The following PPFIA2 variants were observed in gnomAD, a reference collection of about 807,000 sequenced individuals.
The protein encoded by PPFIA2 is liprin-alpha-2.
In PPFIA2, 46 loss-of-function variants were observed where a neutral mutation model predicts 175.5. The observed-to-expected ratio is 0.26, with a 90% CI of 0.21 to 0.34. The LOEUF is 0.34. PPFIA2 is among the 10% of genes least tolerant of loss of function. PPFIA2 has a pLI of 1.00. For missense variants in PPFIA2, 1,179 were observed against 1,506.1 expected (o/e 0.78, Z 3.60); for synonymous variants, 568 against 511.4 (o/e 1.11, Z -1.49).
intron 4 of PPFIA2, among the ~76,000 whole-genome samples, chr12:81,475,775 C>A (rs916264162): frequency 4.6e-5 from 7 of 152,104 alleles, no homozygotes; most frequent in Admixed American, 3.9e-4. Flanking sequence ...TGTAGTGGCG[C>A]GATCTCGGCT....
In PPFIA2 at chr12:81,552,552, A is replaced by G. The variant is rs560598749; in HGVS notation, c.304-94686T>C. Among the ~76,000 whole-genome samples, 17 of 152,122 alleles carry G rather than the reference A, an allele frequency of 1.1e-4. No individual in the cohort carries two copies. In the East Asian group the frequency reaches 2.1e-3, roughly 19 times the overall value. On this transcript the variant is annotated intron_variant, in intron 4 of 32. Transcript: ENST00000549396. ...CCTTCTAGTATCTAAGTTATCAATC[A>G]TGATGACTATATCAATAAAAACTTA... is the stretch of plus-strand genomic sequence containing the variant.
intron 14 of PPFIA2, among the ~76,000 whole-genome samples, chr12:81,363,619 T>C (rs975383011): frequency 6.6e-6 from 1 of 151,790 alleles, no homozygotes; most frequent in Non-Finnish European, 1.5e-5. Context: ...TATTTTACTT[T>C]ACTCAAACTT....
intron 4 of PPFIA2, chr12:81,598,327 C>T (rs2059465403): frequency 8.6e-7 from 1 of 1,160,070 alleles, no homozygotes; most frequent in East Asian, 5.4e-5. Flanking sequence ...ATAAATGGAG[C>T]TTGTGCAGAA....
At chr12:81,637,179 C>G (rs1595864349) in intron 4 of PPFIA2, among the ~76,000 whole-genome samples, 1 of 145,970 alleles carries the variant, frequency 6.9e-6, no homozygotes, top group East Asian at 2.1e-4. Flanking sequence ...AAGCGATTCT[C>G]CTGCCTCAGC....
intron 5 of PPFIA2, among the ~76,000 whole-genome samples, chr12:81,447,018 G>C (rs140473232): frequency 6.6e-6 from 1 of 151,892 alleles, no homozygotes; most frequent in Non-Finnish European, 1.5e-5. Flanking sequence ...CAAACTAATC[G>C]CCGGGCACAG....
chr12:81,379,364 A>G (rs1372172811), intron 9 of PPFIA2, among the ~76,000 whole-genome samples: 2 of 152,190 alleles, frequency 1.3e-5, no homozygotes, highest in East Asian at 1.9e-4. Context: ...ATTTAGATCT[A>G]TTAAAGTGAA....
At chr12:81,263,413 A>C in intron 30 of PPFIA2, 23 bp from the exon 31 acceptor site, 1 of 1,598,588 alleles carries the variant, frequency 6.3e-7, no homozygotes, top group Non-Finnish European at 8.6e-7. Context: ...TTATAAGGTG[A>C]TGTTATGAAA....
chr12:81,408,554 T>C (rs2043332202), intron 7 of PPFIA2, among the ~76,000 whole-genome samples: 1 of 152,186 alleles, frequency 6.6e-6, no homozygotes, highest in Non-Finnish European at 1.5e-5. Context: ...AAGCAGGCCA[T>C]CTATAAAAGT....
intron 4 of PPFIA2, among the ~76,000 whole-genome samples, chr12:81,496,235 C>T (rs1478282712): frequency 6.6e-6 from 1 of 152,048 alleles, no homozygotes; most frequent in Non-Finnish European, 1.5e-5. Flanking sequence ...CTTCAATAGG[C>T]AAATCATTTT....
chr12:81,514,248 A>T (rs2062137281), intron 4 of PPFIA2, among the ~76,000 whole-genome samples: 1 of 151,908 alleles, frequency 6.6e-6, no homozygotes, highest in South Asian at 2.1e-4. Flanking sequence ...TCTCCTATTA[A>T]CCTTACCCAC....
chr12:81,627,034 G>A (rs1595759684), intron 4 of PPFIA2, among the ~76,000 whole-genome samples: 1 of 151,954 alleles, frequency 6.6e-6, no homozygotes, highest in Non-Finnish European at 1.5e-5. Context: ...GATTATGCAA[G>A]GTCTCAAAAT....
chr12:81,278,693 G>A (rs1384868480), intron 27 of PPFIA2, among the ~76,000 whole-genome samples: 2 of 152,092 alleles, frequency 1.3e-5, no homozygotes, highest in African/African-American at 2.4e-5. Flanking sequence ...AAGGAAAATC[G>A]ATAAACCAGG....
chr12:81,379,795 G>C (rs924126087), intron 9 of PPFIA2, among the ~76,000 whole-genome samples: 5 of 152,120 alleles, frequency 3.3e-5, no homozygotes, highest in Non-Finnish European at 7.4e-5. Context: ...AATTACAAAA[G>C]TATATTCTGA....
At chr12:81,711,568 C>G (rs1467844897) in intron 3 of PPFIA2, among the ~76,000 whole-genome samples, 1 of 151,268 alleles carries the variant, frequency 6.6e-6, no homozygotes, top group East Asian at 2.0e-4. Context: ...GTAATAACAC[C>G]TGTATACCTG....
intron 4 of PPFIA2, among the ~76,000 whole-genome samples, chr12:81,492,743 A>G (rs928244421): frequency 2.0e-5 from 3 of 152,072 alleles, no homozygotes. Flanking sequence ...GCTTTTGGGA[A>G]GCAAATGGAA....
At chr12:81,559,624 T>C (rs2069566002) in intron 4 of PPFIA2, among the ~76,000 whole-genome samples, 1 of 152,168 alleles carries the variant, frequency 6.6e-6, no homozygotes, top group Non-Finnish European at 1.5e-5. Context: ...GTTATAAACT[T>C]AAGAATGGGT....
chr12:81,314,022 C>T (rs543782637), intron 22 of PPFIA2, among the ~76,000 whole-genome samples: 32 of 151,924 alleles, frequency 2.1e-4, no homozygotes, highest in Admixed American at 6.6e-5. Flanking sequence ...GTTATCAATT[C>T]GTATAAATTA....
Position 81,384,047 on chromosome 12 carries a change from G to T in PPFIA2, c.960C>A (p.Thr320=), listed in dbSNP as rs201869580. 7.6e-5 allele frequency: 123 copies of T among 1,611,954 alleles called. No individual in the cohort carries two copies. In the Admixed American group the frequency reaches 1.1e-3, roughly 14 times the overall value. ...CCTCCCTAATGTCCCTTTGATACTT[G>T]GTGTTCATTTCTTCTGTTTTAATGA... ...KDLIKTEEMN[T]KYQRDIREAM... is the part of the protein sequence containing the mutation. Residue 320 remains threonine (T), a synonymous_variant, in exon 9 of 33, where the codon ACC becomes ACA. Coordinates refer to ENST00000549396, the MANE Select transcript of PPFIA2 (RefSeq NM_003625.5).
intron 22 of PPFIA2, among the ~76,000 whole-genome samples, chr12:81,301,243 G>A (rs955372705): frequency 3.3e-5 from 5 of 152,054 alleles, no homozygotes; most frequent in Admixed American, 6.6e-5. Context: ...CCTTCACAGA[G>A]TTAATGCATG....
Sources: gnomAD v4.1 joint callset for allele counts (sites outside exome capture counted in the v4.1 genomes callset) on GRCh38, gnomAD v4.1.1 for gene constraint, MANE v1.5 for transcripts, NCBI Gene and HGNC (gene_info 2026-07-23, HGNC 2026-07-21) for gene names.